Variants in SH3PXD2B observed in about 807,000 individuals in gnomAD.
SH3PXD2B encodes the protein SH3 and PX domains 2B.
Under a neutral mutation model 73.1 loss-of-function variants are expected in SH3PXD2B, and 37 were observed. The observed-to-expected ratio is 0.51, with a 90% CI of 0.39 to 0.67. SH3PXD2B has a LOEUF of 0.67. SH3PXD2B is among the 30% of genes least tolerant of loss of function. The pLI is 0.00. For synonymous variants in SH3PXD2B, 457 were observed against 480.5 expected (o/e 0.95, Z 0.64); for missense variants, 1,053 against 1,197.8 (o/e 0.88, Z 1.78).
intron 1 of SH3PXD2B, among the ~76,000 whole-genome samples, chr5:172,436,572 C>G (rs749169794): frequency 6.6e-6 from 1 of 152,218 alleles, no homozygotes; most frequent in African/African-American, 2.4e-5. Context: ...GGGAGGAAAG[C>G]TGGAACCAGA....
At chr5:172,400,256 C>T (rs546547697) in intron 3 of SH3PXD2B, among the ~76,000 whole-genome samples, 1 of 152,290 alleles carries the variant, frequency 6.6e-6, no homozygotes, top group South Asian at 2.1e-4. Context: ...AAACTTTAAT[C>T]TCAGAAGACT....
At position 172,378,939 on chromosome 5, in the gene SH3PXD2B, G is replaced by A. The variant is rs1211313440; in HGVS notation, c.401+3097C>T. Among the ~76,000 whole-genome samples the A allele has an allele frequency of 4.6e-5, 7 of 151,990 alleles. No homozygotes were observed. In the East Asian group the frequency reaches 5.8e-4, roughly 13 times the overall value. On this transcript the variant is annotated intron_variant, in intron 5 of 12. Coordinates refer to ENST00000311601, the MANE Select transcript of SH3PXD2B (RefSeq NM_001017995.3). Reference sequence around the variant, plus strand: ...CAAAAAATTAGCCGGGCATGGTGGCGGGCGCCTGTAGTCCCAGCTACTTGG... The same window carrying A: ...CAAAAAATTAGCCGGGCATGGTGGCAGGCGCCTGTAGTCCCAGCTACTTGG...
chr5:172,349,295 T>C (rs1757101888), intron 10 of SH3PXD2B, among the ~76,000 whole-genome samples: 2 of 152,176 alleles, frequency 1.3e-5, no homozygotes, highest in East Asian at 3.8e-4. Context: ...TCTCTGTGGG[T>C]AGCTGGAAGT....
Position 172,339,932 on chromosome 5 carries a change from G to A in SH3PXD2B, c.1189-16C>T, listed in dbSNP as rs1489086976. 2 of 1,614,030 alleles carry A rather than the reference G, an allele frequency of 1.2e-6. No homozygotes were observed. Among genetic ancestry groups the A allele is most frequent in the Middle Eastern group, 3.3e-4 (2 of 6,084 alleles). On this transcript the variant is annotated splice_polypyrimidine_tract_variant and intron_variant, in intron 12 of 12. Transcript: ENST00000311601. This position sits in a 1 kb window ranked among gnomAD's most constrained non-coding sequence, Gnocchi z 6.1. ...TCTCGATCACCTGCAAGGGAGGATA[G>A]AGAAAGGCACTTGGCTACGATGCCA...
chr5:172,396,488 G>C (rs142639673), intron 3 of SH3PXD2B, among the ~76,000 whole-genome samples: 1 of 152,318 alleles, frequency 6.6e-6, no homozygotes, highest in Admixed American at 6.5e-5. Context: ...AGTGGTAAAG[G>C]AGATTTGCAC....
chr5:172,381,138 G>A (rs550103146), intron 5 of SH3PXD2B, among the ~76,000 whole-genome samples: 22 of 152,212 alleles, frequency 1.4e-4, no homozygotes, highest in Non-Finnish European at 3.1e-4. Context: ...TGCCCGCCAC[G>A]CTGGCTGCTC....
chr5:172,393,571 C>A (rs941745900), intron 4 of SH3PXD2B, among the ~76,000 whole-genome samples: 1 of 152,004 alleles, frequency 6.6e-6, no homozygotes, highest in African/African-American at 2.4e-5. Flanking sequence ...CTGGCTAGTC[C>A]CCTAGTAAAA....
chr5:172,420,228 GAGC>G (rs902744262), intron 2 of SH3PXD2B, among the ~76,000 whole-genome samples: 7 of 152,190 alleles, frequency 4.6e-5, no homozygotes, highest in Non-Finnish European at 8.8e-5. Context: ...GTTTGCTGCA[GAGC>G]AGAAGCAAAA....
At chr5:172,327,812 T>C (rs1308041388) in intron 12 of SH3PXD2B, among the ~76,000 whole-genome samples, 1 of 150,300 alleles carries the variant, frequency 6.7e-6, no homozygotes, top group Non-Finnish European at 1.5e-5. Context: ...TGGAGTGCAG[T>C]GGCATAATCT....
intron 7 of SH3PXD2B, 28 bp downstream of exon 7, chr5:172,362,707 G>A (rs1270382180): frequency 4.3e-6 from 7 of 1,613,968 alleles, no homozygotes; most frequent in Non-Finnish European, 5.9e-6. Context: ...GCAGGGTAGT[G>A]GGAGAGGGAG....
chr5:172,437,861 TGTGCCAAATGG>T (rs1173965260), intron 1 of SH3PXD2B, among the ~76,000 whole-genome samples: 2 of 151,994 alleles, frequency 1.3e-5, no homozygotes, highest in Non-Finnish European at 2.9e-5. Context: ...TGTGCAGAGG[TGTGCCAAATGG>T]GGAAATGGCG....
At chr5:172,381,183 G>A (rs1437442313) in intron 5 of SH3PXD2B, among the ~76,000 whole-genome samples, 1 of 152,174 alleles carries the variant, frequency 6.6e-6, no homozygotes, top group Non-Finnish European at 1.5e-5. Flanking sequence ...TGCTGCCTGG[G>A]GCATCCAGCG....
At chr5:172,381,283 C>T (rs573615426) in intron 5 of SH3PXD2B, among the ~76,000 whole-genome samples, 1 of 152,190 alleles carries the variant, frequency 6.6e-6, no homozygotes, top group South Asian at 2.1e-4. Flanking sequence ...AGACGGACCC[C>T]AAACTCTGCC....
intron 1 of SH3PXD2B, among the ~76,000 whole-genome samples, chr5:172,450,111 A>G (rs562914167): frequency 6.6e-6 from 1 of 152,320 alleles, no homozygotes; most frequent in South Asian, 2.1e-4. Flanking sequence ...TGGAAATGTT[A>G]TAATACTGCA....
intron 5 of SH3PXD2B, among the ~76,000 whole-genome samples, chr5:172,376,031 T>A: frequency 8.0e-6 from 1 of 124,298 alleles, no homozygotes; most frequent in East Asian, 2.2e-4. Context: ...ATGTATCTTC[T>A]TTTTTTTTTT....
intron 4 of SH3PXD2B, among the ~76,000 whole-genome samples, chr5:172,383,209 T>C (rs1447555595): frequency 6.6e-6 from 1 of 152,236 alleles, no homozygotes; most frequent in Non-Finnish European, 1.5e-5. Context: ...GACTGTTTTA[T>C]GATTTGGATA....
intron 4 of SH3PXD2B, among the ~76,000 whole-genome samples, chr5:172,383,345 C>T (rs1021335509): frequency 5.3e-5 from 8 of 152,158 alleles, no homozygotes; most frequent in Non-Finnish European, 8.8e-5. Context: ...ATTTACTAAC[C>T]TCCACAAAGC....
chr5:172,357,372 C>T (rs968009382), intron 8 of SH3PXD2B, among the ~76,000 whole-genome samples: 12 of 151,244 alleles, frequency 7.9e-5, no homozygotes, highest in African/African-American at 2.7e-4. Context: ...CGCAGTGAGC[C>T]GAGATCATGC....
chr5:172,416,819 C>G (rs1758837919), intron 2 of SH3PXD2B, among the ~76,000 whole-genome samples: 1 of 151,520 alleles, frequency 6.6e-6, no homozygotes, highest in Non-Finnish European at 1.5e-5. Flanking sequence ...AGGGATCCTC[C>G]CACCTCAGCC....
Sources: gnomAD v4.1 joint callset for allele counts (sites outside exome capture counted in the v4.1 genomes callset) on GRCh38, gnomAD v4.1.1 for gene constraint, Gnocchi (gnomAD v3.1) non-coding constraint, MANE v1.5 for transcripts, NCBI Gene and HGNC (gene_info 2026-07-23, HGNC 2026-07-21) for gene names.